The following PCDHGA2 variants were observed in gnomAD, a reference collection of about 807,000 sequenced individuals.
The protein encoded by PCDHGA2 is protocadherin gamma subfamily A, 2.
In PCDHGA2, 40 loss-of-function variants were observed where a neutral mutation model predicts 59.2. The observed-to-expected ratio is 0.68, with a 90% CI of 0.52 to 0.88. PCDHGA2 has a LOEUF of 0.88. Ranked by LOEUF, PCDHGA2 falls within the 40% of genes least tolerant of loss-of-function variation. The pLI, the probability that PCDHGA2 is intolerant of heterozygous loss-of-function variation, is 0.00. For missense variants in PCDHGA2, 1,226 were observed against 1,204.0 expected (o/e 1.02, Z -0.27); for synonymous variants, 560 against 526.0 (o/e 1.06, Z -0.89).
At chr5:141,354,958 G>A (rs1759675206) in intron 1 of PCDHGA2, 3 of 490,374 alleles carry the variant, frequency 6.1e-6, no homozygotes, top group South Asian at 1.1e-4. Flanking sequence ...TGCAGTAACA[G>A]GTTAAGACTC....
rs537087639 is a variant in PCDHGA2 at position 141,510,502 on chromosome 5, G to A, written c.2573-445G>A. 3.3e-5 allele frequency among the ~76,000 whole-genome samples: 5 copies of A among 152,296 alleles called. No homozygotes were observed. The South Asian group carries it at 6.2e-4, about 19-fold the overall frequency. ...CTTGAGAAAGCCAGGGCAAGGAACTGAGAGCCCGTGTCACAGCCCTGAGAG... is the reference window on the plus strand; with the variant it reads ...CTTGAGAAAGCCAGGGCAAGGAACTAAGAGCCCGTGTCACAGCCCTGAGAG... On this transcript the variant is annotated intron_variant, in intron 3 of 3. Coordinates refer to ENST00000394576, the MANE Select transcript of PCDHGA2 (RefSeq NM_018915.4).
At chr5:141,365,386 G>T (rs115453161) in intron 1 of PCDHGA2, 2 of 1,613,816 alleles carry the variant, frequency 1.2e-6, no homozygotes, top group African/African-American at 1.3e-5. Context: ...TCACCTCTCT[G>T]ACCAGTTCGA....
At chr5:141,345,406 C>A (rs934034695) in intron 1 of PCDHGA2, 1 of 1,614,138 alleles carries the variant, frequency 6.2e-7, no homozygotes, top group Non-Finnish European at 8.5e-7. Context: ...TTATCCTACT[C>A]CGCCTACATT....
chr5:141,350,354 C>A (rs1292582179), intron 1 of PCDHGA2: 8 of 1,564,814 alleles, frequency 5.1e-6, no homozygotes, highest in Non-Finnish European at 6.9e-6. Context: ...CCAGCAGATC[C>A]GATACACGAT....
intron 1 of PCDHGA2, chr5:141,424,569 C>A (rs1436039976): frequency 6.6e-6 from 1 of 151,996 alleles, no homozygotes; most frequent in African/African-American, 2.4e-5. Flanking sequence ...TCTCAAAAAC[C>A]TATTTTCAAA....
At position 141,432,207 on chromosome 5, in the gene PCDHGA2, A is replaced by G. The variant is rs1181424938; in HGVS notation, c.2425-62600A>G. 3 of 1,614,176 alleles carry G rather than the reference A, an allele frequency of 1.9e-6. No homozygotes were observed. The highest frequency in any genetic ancestry group is 2.5e-6 in the Non-Finnish European group (3 of 1,180,026). ...ACCGCCCACGACCCCGACTGTGAAG[A>G]GAACGCCCAGATCACTTATTCCCTG... On this transcript the variant is annotated intron_variant, in intron 1 of 3. Transcript: ENST00000394576. The surrounding 1 kb of genome is among the most constrained non-coding windows in gnomAD (Gnocchi z 6.0).
intron 3 of PCDHGA2, chr5:141,507,213 G>C (rs1016967764): frequency 6.6e-6 from 1 of 152,558 alleles, no homozygotes; most frequent in African/African-American, 2.4e-5. Context: ...AGGGTTGCCA[G>C]ATAAAATACA....
chr5:141,389,494 C>T (rs1300548775), intron 1 of PCDHGA2: 2 of 1,613,058 alleles, frequency 1.2e-6, no homozygotes, highest in East Asian at 2.2e-5. Context: ...GACCAGGGCT[C>T]GCCAGCGCTC....
At chr5:141,442,674 A>G (rs2098335634) in intron 1 of PCDHGA2, among the ~76,000 whole-genome samples, 1 of 152,272 alleles carries the variant, frequency 6.6e-6, no homozygotes, top group Non-Finnish European at 1.5e-5. Context: ...GGTGAGCTTG[A>G]GGGACAGTAG....
intron 1 of PCDHGA2, 78 bp from the exon 2 acceptor site, chr5:141,494,729 C>CG: frequency 6.2e-7 from 1 of 1,610,168 alleles, no homozygotes; most frequent in South Asian, 1.1e-5. Context: ...CCTTCTCTCC[C>CG]GGCCCATCCC....
chr5:141,409,706 T>A, intron 1 of PCDHGA2: 1 of 1,613,210 alleles, frequency 6.2e-7, no homozygotes, highest in Non-Finnish European at 8.5e-7. Context: ...CCTGGCGGTG[T>A]CGTCATACGT....
chr5:141,350,620 C>T (rs1354304006), intron 1 of PCDHGA2: 1 of 1,613,990 alleles, frequency 6.2e-7, no homozygotes, highest in Non-Finnish European at 8.5e-7. Flanking sequence ...TTGTTGTAAT[C>T]CAAGATATTA....
At position 141,477,795 on chromosome 5, in the gene PCDHGA2, G is replaced by T. The variant is rs778851755; in HGVS notation, c.2425-17012G>T. The T allele has an allele frequency of 1.2e-5, 19 of 1,613,946 alleles. 1 individual carries two copies. In the South Asian group the frequency reaches 1.6e-4, roughly 14 times the overall value. On this transcript the variant is annotated intron_variant, in intron 1 of 3. Transcript: ENST00000394576. The surrounding 1 kb of genome is among the most constrained non-coding windows in gnomAD (Gnocchi z 4.9). ...AGCGTGAACATATTTGTCACTGATC[G>T]CAATGACAATGCCCCCCAGGTCCTA...
intron 1 of PCDHGA2, chr5:141,342,252 A>G (rs1757140925): frequency 6.6e-6 from 1 of 152,168 alleles, no homozygotes; most frequent in South Asian, 2.1e-4. Flanking sequence ...TTCTTTATAC[A>G]TCTCTCTTCT....
chr5:141,355,804 C>A, intron 1 of PCDHGA2: 2 of 1,613,356 alleles, frequency 1.2e-6, no homozygotes, highest in Non-Finnish European at 1.7e-6. Context: ...CGCTCTAGAT[C>A]GCGAGGAAGA....
At chr5:141,403,631 C>T (rs751580878) in intron 1 of PCDHGA2, 8 of 1,613,912 alleles carry the variant, frequency 5.0e-6, no homozygotes, top group South Asian at 2.2e-5. Context: ...CAGCACAGTG[C>T]GCATCCATGT....
chr5:141,351,985 A>C (rs1466347143), intron 1 of PCDHGA2: 3 of 1,611,418 alleles, frequency 1.9e-6, no homozygotes, highest in Non-Finnish European at 2.5e-6. Flanking sequence ...ATATGGTGCC[A>C]CGCGCCGCAG....
Position 141,485,609 on chromosome 5 carries a change from G to C in PCDHGA2, c.2425-9198G>C, listed in dbSNP as rs1432367043. On this transcript the variant is annotated intron_variant, in intron 1 of 3. Coordinates refer to ENST00000394576, the MANE Select transcript of PCDHGA2 (RefSeq NM_018915.4). The surrounding 1 kb of genome is among the most constrained non-coding windows in gnomAD (Gnocchi z 5.7). ...GCTGGACTTGGAAATTGGGGAGGCA[G>C]CTCCTCCAGGACAGCGTTTCCCGTT... The C allele has an allele frequency of 1.2e-6, 2 of 1,612,138 alleles. No homozygotes were observed. Among genetic ancestry groups the C allele is most frequent in the Non-Finnish European group, 1.7e-6 (2 of 1,178,664 alleles).
Position 141,510,960 on chromosome 5 carries a change from G to T in PCDHGA2, c.2586G>T (p.Gly862=). The T allele has an allele frequency of 6.2e-7, 1 of 1,614,120 alleles. No individual in the cohort carries two copies. The highest frequency in any genetic ancestry group is 1.3e-5 in the African/African-American group (1 of 75,022). ...ILASASEAAD[G]SSTLGGGAGT... is the part of the protein sequence containing the mutation. ...CTGTCTCTGCAGAAGCTGCTGATGG[G>T]AGCTCCACCCTGGGAGGGGGTGCCG... Residue 862 remains glycine, a synonymous_variant, in exon 4 of 4, where the codon GGG becomes GGT. Transcript: ENST00000394576.
Sources: gnomAD v4.1 joint callset for allele counts (sites outside exome capture counted in the v4.1 genomes callset) on GRCh38, gnomAD v4.1.1 for gene constraint, Gnocchi (gnomAD v3.1) non-coding constraint, MANE v1.5 for transcripts, NCBI Gene and HGNC (gene_info 2026-07-23, HGNC 2026-07-21) for gene names.